FGF10: variants seen among roughly 807,000 people sequenced by gnomAD.
FGF10 encodes the protein FGF-10.
A neutral mutation model predicts 19.8 loss-of-function variants in FGF10; 2 were observed. The observed-to-expected ratio is 0.10, with a 90% CI of 0.04 to 0.32. The LOEUF is 0.32. FGF10 is among the 10% of genes least tolerant of loss of function. The pLI, the probability that FGF10 is intolerant of heterozygous loss-of-function variation, is 1.00. For missense variants in FGF10, 191 were observed against 246.3 expected (o/e 0.78, Z 1.50); for synonymous variants, 112 against 94.0 (o/e 1.19, Z -1.10).
intron 2 of FGF10, among the ~76,000 whole-genome samples, chr5:44,307,606 G>T (rs1740113784): frequency 6.6e-6 from 1 of 152,172 alleles, no homozygotes; most frequent in Non-Finnish European, 1.5e-5. Context: ...GGTTTAATCA[G>T]TCAGTCTGAA....
At chr5:44,350,375 G>A (rs748827506) in intron 1 of FGF10, among the ~76,000 whole-genome samples, 65 of 150,614 alleles carry the variant, frequency 4.3e-4, no homozygotes, top group Admixed American at 8.0e-4. Context: ...CATTTAATGT[G>A]TAATTATATA....
At chr5:44,370,078 A>T (rs1478462203) in intron 1 of FGF10, among the ~76,000 whole-genome samples, 1 of 152,086 alleles carries the variant, frequency 6.6e-6, no homozygotes, top group Non-Finnish European at 1.5e-5. Context: ...TATAATTTTC[A>T]TTTTGAGCAA....
In FGF10 at chr5:44,310,514, T is replaced by A. The variant is rs202114515; in HGVS notation, c.342A>T (p.Thr114=). Residue 114 remains threonine (T), a synonymous_variant, in exon 2 of 3, where the codon ACA becomes ACT. Transcript: ENST00000264664. ...CGGCAACAACTCCGATTTCTACTGA[T>A]GTTATCTCCAGGATGCCTAAAACAT... is the stretch of plus-strand genomic sequence containing the variant. The part of the protein sequence containing the change: ...ENCPYSILEI[T]SVEIGVVAVK... The A allele has an allele frequency of 6.2e-7, 1 of 1,611,064 alleles. No homozygotes were observed. Among genetic ancestry groups the A allele is most frequent in the Non-Finnish European group, 8.5e-7 (1 of 1,177,736 alleles).
At chr5:44,371,800 A>G (rs1741748156) in intron 1 of FGF10, among the ~76,000 whole-genome samples, 1 of 152,174 alleles carries the variant, frequency 6.6e-6, no homozygotes, top group South Asian at 2.1e-4. Context: ...TAAGCCTGAT[A>G]CTTTCCTAGA....
At chr5:44,358,814 TG>T (rs1354218889) in intron 1 of FGF10, among the ~76,000 whole-genome samples, 2 of 151,522 alleles carry the variant, frequency 1.3e-5, no homozygotes, top group Non-Finnish European at 3.0e-5. Context: ...TCAGTTTTAA[TG>T]GTACATGCTC....
At chr5:44,324,942 CTG>C (rs1228503759) in intron 1 of FGF10, among the ~76,000 whole-genome samples, 1 of 152,110 alleles carries the variant, frequency 6.6e-6, no homozygotes, top group Non-Finnish European at 1.5e-5. Context: ...AGGAAAAAAA[CTG>C]TGTGTAACAT....
intron 1 of FGF10, among the ~76,000 whole-genome samples, chr5:44,323,401 A>T (rs1224249056): frequency 6.6e-6 from 1 of 152,208 alleles, no homozygotes; most frequent in African/African-American, 2.4e-5. Context: ...AACAAATATT[A>T]GAACTCAGCA....
chr5:44,365,917 T>G (rs1419135979), intron 1 of FGF10, among the ~76,000 whole-genome samples: 1 of 151,876 alleles, frequency 6.6e-6, no homozygotes, highest in Non-Finnish European at 1.5e-5. Flanking sequence ...TTAAAAATAA[T>G]ATAGTTGGGG....
intron 1 of FGF10, among the ~76,000 whole-genome samples, chr5:44,387,296 C>T (rs1363534854): frequency 6.6e-6 from 1 of 152,046 alleles, no homozygotes; most frequent in Non-Finnish European, 1.5e-5. Flanking sequence ...TTCTCTTCCC[C>T]CAACCAGCCC....
intron 1 of FGF10, among the ~76,000 whole-genome samples, chr5:44,318,606 C>T (rs1388309285): frequency 2.0e-5 from 3 of 152,122 alleles, no homozygotes; most frequent in East Asian, 1.9e-4. Flanking sequence ...GTTTCATATA[C>T]TGACCATGCA....
chr5:44,307,019 G>T (rs1287772313), intron 2 of FGF10, among the ~76,000 whole-genome samples: 1 of 152,074 alleles, frequency 6.6e-6, no homozygotes, highest in Admixed American at 6.6e-5. Context: ...AATAAATGGG[G>T]TACAGTTTAG....
rs1193386141 is a variant in FGF10 at position 44,304,926 on chromosome 5, A to G, written c.*69T>C. ...CTTTGCCTTTCAATCTACTGTCTTCATGAAGAATATCCACTATTCTTGGCA... is the reference window on the plus strand; with the variant it reads ...CTTTGCCTTTCAATCTACTGTCTTCGTGAAGAATATCCACTATTCTTGGCA... On this transcript the variant is annotated 3_prime_UTR_variant, in exon 3 of 3. Transcript: ENST00000264664. 25 of 1,450,982 alleles carry G rather than the reference A, an allele frequency of 1.7e-5. No homozygotes were observed. The South Asian group carries it at 2.5e-4, about 15-fold the overall frequency. 89.9% of individuals were successfully genotyped at this position (1,450,982 alleles called of 1,614,324 possible). A position where few individuals can be genotyped will look rare whatever the true frequency, so the allele number is the denominator to read the frequency against.
intron 1 of FGF10, among the ~76,000 whole-genome samples, chr5:44,387,649 C>T (rs922413097): frequency 5.3e-5 from 8 of 152,068 alleles, no homozygotes; most frequent in African/African-American, 9.7e-5. Context: ...ATCATGTTAC[C>T]AAGAGGGAAG....
intron 1 of FGF10, among the ~76,000 whole-genome samples, chr5:44,326,372 T>A (rs576429099): frequency 4.6e-5 from 7 of 152,198 alleles, no homozygotes; most frequent in African/African-American, 1.7e-4. Context: ...AGCTTGAAGT[T>A]AAAAGAGATC....
intron 1 of FGF10, among the ~76,000 whole-genome samples, chr5:44,313,476 A>C (rs1212926719): frequency 6.6e-6 from 1 of 152,000 alleles, no homozygotes; most frequent in Non-Finnish European, 1.5e-5. Context: ...ACTAAATGCC[A>C]GTTAAAAGAG....
At chr5:44,349,453 T>TCAG (rs1308211947) in intron 1 of FGF10, among the ~76,000 whole-genome samples, 21 of 23,062 alleles carry the variant, frequency 9.1e-4, no homozygotes, top group East Asian at 6.8e-3. Context: ...TATATATATA[T>TCAG]ATATATATAT....
At chr5:44,340,199 G>A (rs146480304) in intron 1 of FGF10, among the ~76,000 whole-genome samples, 1 of 152,054 alleles carries the variant, frequency 6.6e-6, no homozygotes, top group African/African-American at 2.4e-5. Context: ...GCAGTGGAGG[G>A]GAAAAGCAGG....
intron 2 of FGF10, among the ~76,000 whole-genome samples, chr5:44,306,270 G>A (rs942731006): frequency 5.9e-5 from 9 of 152,218 alleles, no homozygotes; most frequent in South Asian, 4.1e-4. Context: ...ATTGGTGGGC[G>A]CCTGTAATCT....
At chr5:44,310,399 G>T (rs1740184426) in intron 2 of FGF10, 28 bp downstream of exon 2, 2 of 1,477,204 alleles carry the variant, frequency 1.4e-6, no homozygotes, top group Admixed American at 1.7e-5. Flanking sequence ...TACTGGAGTG[G>T]ATTTGAAAAC....
Sources: gnomAD v4.1 joint callset for allele counts (sites outside exome capture counted in the v4.1 genomes callset) on GRCh38, gnomAD v4.1.1 for gene constraint, MANE v1.5 for transcripts, NCBI Gene and HGNC (gene_info 2026-07-23, HGNC 2026-07-21) for gene names.